The following CNTN4 variants were observed in gnomAD, a reference collection of about 807,000 sequenced individuals.
The protein encoded by CNTN4 is contactin-4.
Under a neutral mutation model 122.5 loss-of-function variants are expected in CNTN4, and 77 were observed. The ratio of observed to expected loss-of-function variants is 0.63; its 90% CI spans 0.52 to 0.76. The LOEUF (loss-of-function observed/expected upper bound fraction) is 0.76, where lower values mean the gene tolerates loss of function less well. Ranked by LOEUF, CNTN4 falls within the 30% of genes least tolerant of loss-of-function variation. The pLI, the probability that CNTN4 is intolerant of heterozygous loss-of-function variation, is 0.00. For synonymous variants in CNTN4, 512 were observed against 447.0 expected (o/e 1.15, Z -1.83); for missense variants, 1,256 against 1,259.1 (o/e 1.00, Z 0.04).
At chr3:2,115,723 C>G (rs1488416363) in intron 2 of CNTN4, among the ~76,000 whole-genome samples, 1 of 152,224 alleles carries the variant, frequency 6.6e-6, no homozygotes, top group Non-Finnish European at 1.5e-5. Context: ...GGAATTCTAA[C>G]ATTTCATACA....
At chr3:2,146,697 C>G (rs2035260914) in intron 2 of CNTN4, among the ~76,000 whole-genome samples, 1 of 152,102 alleles carries the variant, frequency 6.6e-6, no homozygotes, top group Admixed American at 6.6e-5. Flanking sequence ...GATGATATGA[C>G]TCTTCAGACA....
rs746026665 is a variant in CNTN4 at position 2,769,625 on chromosome 3, T to C, written c.358+23928T>C. Among the ~76,000 whole-genome samples, 12 of 152,338 alleles carry C rather than the reference T, an allele frequency of 7.9e-5. No homozygotes were observed. The Middle Eastern group carries it at 0.017, about 216-fold the overall frequency. On this transcript the variant is annotated intron_variant, in intron 6 of 24. Coordinates refer to ENST00000418658, the MANE Select transcript of CNTN4 (RefSeq NM_175607.3). The stretch of plus-strand genomic sequence containing the variant: ...TTGTGGTGGTACTGGTGGTAACTTT[T>C]AGTATCCATAGTTAGAAACACCTAT...
intron 3 of CNTN4, among the ~76,000 whole-genome samples, chr3:2,553,283 A>C (rs1392251335): frequency 1.3e-5 from 2 of 152,170 alleles, no homozygotes; most frequent in African/African-American, 4.8e-5. Context: ...TGTATGTTCC[A>C]ACTAGCACTC....
At chr3:2,622,024 G>A (rs529204004) in intron 4 of CNTN4, among the ~76,000 whole-genome samples, 1 of 152,280 alleles carries the variant, frequency 6.6e-6, no homozygotes, top group South Asian at 2.1e-4. Context: ...CACATTAAGG[G>A]ATCCTTTTCC....
intron 14 of CNTN4, among the ~76,000 whole-genome samples, chr3:3,011,685 T>C (rs1256516457): frequency 6.6e-6 from 1 of 152,206 alleles, no homozygotes; most frequent in Non-Finnish European, 1.5e-5. Context: ...TTTTTGTTTC[T>C]TCTTTAGCTT....
intron 12 of CNTN4, among the ~76,000 whole-genome samples, chr3:2,905,183 G>A (rs914269192): frequency 6.6e-6 from 1 of 152,166 alleles, no homozygotes; most frequent in Non-Finnish European, 1.5e-5. Context: ...AATTGGAACT[G>A]TCTAATTACA....
chr3:2,633,900 C>T (rs1026686145), intron 4 of CNTN4, among the ~76,000 whole-genome samples: 2 of 152,148 alleles, frequency 1.3e-5, no homozygotes, highest in Admixed American at 6.6e-5. Context: ...TGGAAACACG[C>T]ATTTTCTATT....
chr3:2,820,768 T>C (rs2092846248), intron 7 of CNTN4, among the ~76,000 whole-genome samples: 1 of 151,914 alleles, frequency 6.6e-6, no homozygotes, highest in Admixed American at 6.6e-5. Context: ...ACCAAATATA[T>C]ATATTTCTTA....
intron 3 of CNTN4, among the ~76,000 whole-genome samples, chr3:2,523,816 A>G (rs1343679035): frequency 6.6e-6 from 1 of 152,058 alleles, no homozygotes; most frequent in African/African-American, 2.4e-5. Flanking sequence ...TGAATGACTC[A>G]CTTTTTCAAT....
At chr3:2,471,444 A>G (rs1356473781) in intron 3 of CNTN4, among the ~76,000 whole-genome samples, 1 of 152,218 alleles carries the variant, frequency 6.6e-6, no homozygotes, top group East Asian at 1.9e-4. Flanking sequence ...TTTTCCCTAA[A>G]ATGATAGCAT....
At chr3:2,550,121 C>G (rs941635967) in intron 3 of CNTN4, among the ~76,000 whole-genome samples, 1 of 152,068 alleles carries the variant, frequency 6.6e-6, no homozygotes, top group Non-Finnish European at 1.5e-5. Flanking sequence ...AGTAGTTTAT[C>G]TATTTTGTCA....
rs545461124 is a variant in CNTN4 at position 2,551,481 on chromosome 3, G to A, written c.-88-19935G>A. 7.9e-5 allele frequency among the ~76,000 whole-genome samples: 12 copies of A among 152,146 alleles called. No homozygotes were observed. In the South Asian group the frequency reaches 2.5e-3, roughly 32 times the overall value. Reference sequence around the variant, plus strand: ...AAGACCGTTTGTGATGGCCAAAGATGCACAAATTTATATGAACACCTAAAT... The same window carrying A: ...AAGACCGTTTGTGATGGCCAAAGATACACAAATTTATATGAACACCTAAAT... On this transcript the variant is annotated intron_variant, in intron 3 of 24. Coordinates refer to ENST00000418658, the MANE Select transcript of CNTN4 (RefSeq NM_175607.3).
intron 3 of CNTN4, among the ~76,000 whole-genome samples, chr3:2,374,779 A>G (rs62244056): frequency 0.01 from 1,553 of 152,378 alleles, 14 homozygotes; most frequent in Non-Finnish European, 0.017. Context: ...TACAGAAAAT[A>G]TACATGAATG....
rs146745715 is a variant in CNTN4 at position 2,329,900 on chromosome 3, G to A, written c.-144-9278G>A. Among the ~76,000 whole-genome samples, 462 of 152,282 alleles carry A rather than the reference G, an allele frequency of 3.0e-3. 2 individuals are homozygous for A. Among genetic ancestry groups the A allele is most frequent in the Middle Eastern group, 0.01 (3 of 294 alleles). The stretch of plus-strand genomic sequence containing the variant: ...AACATGCCACACTTTTTGACCAGAT[G>A]TGTGGGTTTTGATTTCTGACACATC... On this transcript the variant is annotated intron_variant, in intron 2 of 24. Coordinates refer to ENST00000418658, the MANE Select transcript of CNTN4 (RefSeq NM_175607.3).
intron 3 of CNTN4, chr3:2,362,848 A>G (rs9868773): frequency 0.014 from 2,542 of 180,114 alleles, 68 homozygotes; most frequent in African/African-American, 0.057. Flanking sequence ...AAAACAATCA[A>G]TCAGTCAATA....
chr3:2,974,208 C>A (rs1693206527), intron 13 of CNTN4, among the ~76,000 whole-genome samples: 1 of 152,124 alleles, frequency 6.6e-6, no homozygotes. Flanking sequence ...GTTTTTATCA[C>A]ATTTATTTTT....
At chr3:2,689,146 T>C (rs530251660) in intron 4 of CNTN4, among the ~76,000 whole-genome samples, 15 of 152,288 alleles carry the variant, frequency 9.8e-5, no homozygotes, top group Admixed American at 2.6e-4. Context: ...TCCATCCAGT[T>C]CTTGCCAGGT....
At chr3:2,644,519 C>T (rs1226382439) in intron 4 of CNTN4, among the ~76,000 whole-genome samples, 1 of 151,920 alleles carries the variant, frequency 6.6e-6, no homozygotes, top group Non-Finnish European at 1.5e-5. Flanking sequence ...CTGTATCTCT[C>T]TGCCTGTCTA....
At chr3:2,927,313 TG>T in intron 13 of CNTN4, 1 of 456,070 alleles carries the variant, frequency 2.2e-6, no homozygotes, top group Non-Finnish European at 4.4e-6. Flanking sequence ...ATCAGGGGTT[TG>T]GTAGTGGCTC....
Sources: allele counts gnomAD v4.1 joint callset (sites outside exome capture counted in the v4.1 genomes callset), GRCh38; gene constraint gnomAD v4.1.1; transcripts MANE v1.5; gene names NCBI Gene and HGNC (gene_info 2026-07-23, HGNC 2026-07-21).